The following DOK6 variants were observed in gnomAD, a reference collection of about 807,000 sequenced individuals.
DOK6 encodes the protein docking protein 6, also known as downstream of tyrosine kinase 6.
A neutral mutation model predicts 44.0 loss-of-function variants in DOK6; 22 were observed. That is an observed-to-expected ratio of 0.50 (90% CI 0.36 to 0.71). The LOEUF is 0.71. DOK6 is among the 30% of genes least tolerant of loss of function. The pLI is 0.00. For synonymous variants in DOK6, 166 were observed against 145.5 expected (o/e 1.14, Z -1.01); for missense variants, 340 against 416.4 (o/e 0.82, Z 1.60).
At position 69,475,006 on chromosome 18, in the gene DOK6, A is replaced by C. The variant is rs186578825; in HGVS notation, c.66+73696A>C. On this transcript the variant is annotated intron_variant, in intron 1 of 7. Coordinates refer to ENST00000382713, the MANE Select transcript of DOK6 (RefSeq NM_152721.6). ...TATATCACAAAAATATAGAACTTGA[A>C]CCAAATAATTATTTCACTTCCAAGT... Among the ~76,000 whole-genome samples the C allele has an allele frequency of 3.7e-3, 561 of 152,310 alleles. 2 individuals are homozygous for C. The highest frequency in any genetic ancestry group is 5.6e-3 in the Non-Finnish European group (384 of 68,006).
Position 69,548,245 on chromosome 18 carries a change from G to A in DOK6, c.67-16242G>A, listed in dbSNP as rs559341131. 1.5e-4 allele frequency among the ~76,000 whole-genome samples: 23 copies of A among 151,330 alleles called. 1 individual carries two copies. The highest frequency in any genetic ancestry group is 2.8e-4 in the Non-Finnish European group (19 of 67,666). ...TGGGATTACAGGCGTGAGCCACCGCGCCTGCCCTCATATATATATTTTTTT... is the reference window on the plus strand; with the variant it reads ...TGGGATTACAGGCGTGAGCCACCGCACCTGCCCTCATATATATATTTTTTT... On this transcript the variant is annotated intron_variant, in intron 1 of 7. Coordinates refer to ENST00000382713, the MANE Select transcript of DOK6 (RefSeq NM_152721.6).
At chr18:69,645,727 A>G (rs1167363432) in intron 3 of DOK6, among the ~76,000 whole-genome samples, 4 of 152,216 alleles carry the variant, frequency 2.6e-5, no homozygotes, top group African/African-American at 9.6e-5. Flanking sequence ...AACCTTGTAC[A>G]TAATTATTCA....
At chr18:69,583,271 T>C (rs993267437) in intron 2 of DOK6, among the ~76,000 whole-genome samples, 2 of 152,334 alleles carry the variant, frequency 1.3e-5, no homozygotes, top group East Asian at 3.9e-4. Context: ...AACAGTGTTT[T>C]AACACACATT....
intron 3 of DOK6, among the ~76,000 whole-genome samples, chr18:69,626,705 A>G (rs1378259321): frequency 6.6e-6 from 1 of 152,222 alleles, no homozygotes; most frequent in African/African-American, 2.4e-5. Context: ...CGAGGTGCTC[A>G]TCAAAGTTAG....
At chr18:69,594,710 C>T (rs1447934598) in intron 2 of DOK6, among the ~76,000 whole-genome samples, 3 of 151,764 alleles carry the variant, frequency 2.0e-5, no homozygotes, top group African/African-American at 4.8e-5. Context: ...ATATTTTGGC[C>T]TCACACAGTG....
intron 1 of DOK6, among the ~76,000 whole-genome samples, chr18:69,460,575 A>C (rs945100422): frequency 6.6e-6 from 1 of 152,204 alleles, no homozygotes; most frequent in Non-Finnish European, 1.5e-5. Flanking sequence ...ATCCCAAAAT[A>C]GTAATTAAAT....
chr18:69,712,153 C>T (rs1023034970), intron 5 of DOK6, among the ~76,000 whole-genome samples: 3 of 147,220 alleles, frequency 2.0e-5, no homozygotes, highest in South Asian at 2.2e-4. Flanking sequence ...TAGTGGCGGG[C>T]GCCTGTAGTC....
intron 3 of DOK6, among the ~76,000 whole-genome samples, chr18:69,625,724 C>T (rs572406846): frequency 5.7e-4 from 87 of 152,304 alleles, no homozygotes; most frequent in Admixed American, 1.6e-3. Flanking sequence ...TGTATGAACT[C>T]TTTGGGCCAG....
chr18:69,832,703 C>T (rs1981937177), intron 7 of DOK6: 1 of 151,788 alleles, frequency 6.6e-6, no homozygotes, highest in Non-Finnish European at 1.5e-5. Context: ...TCATTATGGC[C>T]TGTCAGTAGT....
chr18:69,487,702 G>A (rs889300960), intron 1 of DOK6, among the ~76,000 whole-genome samples: 1 of 152,162 alleles, frequency 6.6e-6, no homozygotes, highest in East Asian at 1.9e-4. Context: ...TTCATCAGCT[G>A]GAAAGCTTTG....
At chr18:69,717,441 G>A (rs1040892727) in intron 5 of DOK6, among the ~76,000 whole-genome samples, 3 of 152,146 alleles carry the variant, frequency 2.0e-5, no homozygotes, top group African/African-American at 7.2e-5. Flanking sequence ...GAGCGCATGG[G>A]TGATTGTTTT....
chr18:69,747,467 T>C (rs896910235), intron 6 of DOK6, among the ~76,000 whole-genome samples: 13 of 152,222 alleles, frequency 8.5e-5, no homozygotes, highest in African/African-American at 3.1e-4. Context: ...AGGTGTGGGT[T>C]GCCAATACCT....
chr18:69,760,540 G>A (rs555168243), intron 7 of DOK6, among the ~76,000 whole-genome samples: 2 of 152,206 alleles, frequency 1.3e-5, no homozygotes, highest in Admixed American at 1.3e-4. Context: ...CACCTTGGGA[G>A]AAAGCAAAGC....
intron 2 of DOK6, among the ~76,000 whole-genome samples, chr18:69,586,263 C>T (rs62095357): frequency 0.31 from 46,620 of 151,976 alleles, 8,215 homozygotes; most frequent in Middle Eastern, 0.45. Context: ...TGATAGACCA[C>T]AGGAGTATAA....
At chr18:69,692,747 A>G (rs1986295771) in intron 4 of DOK6, among the ~76,000 whole-genome samples, 2 of 152,250 alleles carry the variant, frequency 1.3e-5, no homozygotes, top group African/African-American at 4.8e-5. Context: ...GGGAAAAACA[A>G]TAGATGGATA....
At chr18:69,525,666 CAG>C (rs1483935545) in intron 1 of DOK6, among the ~76,000 whole-genome samples, 1 of 151,910 alleles carries the variant, frequency 6.6e-6, no homozygotes, top group African/African-American at 2.4e-5. Flanking sequence ...TGTAAAAGGC[CAG>C]AGAGTGAATA....
intron 7 of DOK6, among the ~76,000 whole-genome samples, chr18:69,817,521 T>C (rs925149144): frequency 6.6e-6 from 1 of 152,092 alleles, no homozygotes; most frequent in Non-Finnish European, 1.5e-5. Flanking sequence ...ACAGCCGCCT[T>C]CTCACTGTGT....
chr18:69,707,201 GA>G (rs1253694349), intron 5 of DOK6, among the ~76,000 whole-genome samples: 1 of 152,188 alleles, frequency 6.6e-6, no homozygotes, highest in African/African-American at 2.4e-5. Flanking sequence ...CAAAGAAATG[GA>G]AGAACATTCC....
In DOK6 at chr18:69,749,764, C is replaced by T. The variant is rs544574883; in HGVS notation, c.739-7992C>T. On this transcript the variant is annotated intron_variant, in intron 6 of 7. Transcript: ENST00000382713. ...GACCATCCTGGCCAACATGGTGAAA[C>T]CCTGTCTCTTCTAAAAATACAAAAA... Among the ~76,000 whole-genome samples, 3 of 151,788 alleles carry T rather than the reference C, an allele frequency of 2.0e-5. No individual in the cohort carries two copies. In the East Asian group the frequency reaches 5.8e-4, roughly 30 times the overall value.
Sources: gnomAD v4.1 joint callset for allele counts (sites outside exome capture counted in the v4.1 genomes callset) on GRCh38, gnomAD v4.1.1 for gene constraint, MANE v1.5 for transcripts, NCBI Gene and HGNC (gene_info 2026-07-23, HGNC 2026-07-21) for gene names.